Variants in SHISA7 observed in about 807,000 individuals in gnomAD.
SHISA7 encodes protein shisa-7.
A neutral mutation model predicts 23.9 loss-of-function variants in SHISA7; 6 were observed. That is an observed-to-expected ratio of 0.25 (90% CI 0.14 to 0.50). The LOEUF is 0.50. Among genes scored for constraint, SHISA7 ranks in the 20% least tolerant of loss-of-function variants. The pLI is 0.98. For missense variants in SHISA7, 671 were observed against 801.1 expected, an observed-to-expected ratio of 0.84 and a Z score of 1.96; for synonymous variants, 386 against 398.3, an observed-to-expected ratio of 0.97 and a Z score of 0.37.
In SHISA7 at chr19:55,442,758, G is replaced by A. The variant is rs1218841071; in HGVS notation, c.106C>T (p.Leu36=). Residue 36 remains leucine, a synonymous_variant, in exon 1 of 4, where the codon CTG becomes TTG. Transcript: ENST00000376325. ...SAEPAGPLPA[L]LAHLRRLTGA... is the part of the protein sequence containing the mutation. Reference sequence around the variant, plus strand: ...GTCAGGCGCCGCAGGTGCGCCAGCAGGGCGGGCAGCGGGCCCGCGGGCTCG... The same window carrying A: ...GTCAGGCGCCGCAGGTGCGCCAGCAAGGCGGGCAGCGGGCCCGCGGGCTCG... The A allele has an allele frequency of 8.6e-7, 1 of 1,166,272 alleles. No individual in the cohort carries two copies. The highest frequency in any genetic ancestry group is 3.8e-5 in the East Asian group (1 of 26,068). The allele number at this position is 1,166,272 out of a possible 1,614,324, so 72.2% of individuals were successfully genotyped here. A position where few individuals can be genotyped will look rare whatever the true frequency, so the allele number is the denominator to read the frequency against.
chr19:55,433,713 G>C lies in SHISA7; in HGVS notation c.1060C>G (p.Arg354Gly). 1 of 1,476,740 alleles carries C rather than the reference G, an allele frequency of 6.8e-7. No individual in the cohort carries two copies. The highest frequency in any genetic ancestry group is 2.9e-5 in the East Asian group (1 of 33,928). 91.5% of individuals were successfully genotyped at this position (1,476,740 alleles called of 1,614,324 possible). A position where few individuals can be genotyped will look rare whatever the true frequency, so the allele number is the denominator to read the frequency against. Reference sequence around the variant, plus strand: ...CGATAGCCGCCCCCCGTGCCCGGCCGCCGCAGCGCGTGCAGGGGCAGCGTG... The same window carrying C: ...CGATAGCCGCCCCCCGTGCCCGGCCCCCGCAGCGCGTGCAGGGGCAGCGTG... ...RGTLPLHALRRPGTGGGYRME... is the reference protein window; with the variant it reads ...RGTLPLHALRGPGTGGGYRME... The change falls in exon 4 of 4, where the codon CGG (arginine) becomes GGG (glycine). Residue 354 changes from arginine to glycine, a missense_variant. Around this residue, in one of 5 missense-constraint regions of SHISA7, gnomAD observed 457 missense variants for 488.3 expected, o/e 0.94. Coordinates refer to ENST00000376325, the MANE Select transcript of SHISA7 (RefSeq NM_001145176.2). The surrounding 1 kb of genome is among the most constrained non-coding windows in gnomAD (Gnocchi z 8.4).
At chr19:55,438,030 G>A (rs1354438704) in intron 2 of SHISA7, among the ~76,000 whole-genome samples, 5 of 132,712 alleles carry the variant, frequency 3.8e-5, no homozygotes, top group African/African-American at 1.2e-4. Flanking sequence ...AGACCCAGGC[G>A]TCCAGGCCCC....
chr19:55,437,523 G>A, intron 3 of SHISA7, 82 bp downstream of exon 3: 2 of 1,447,756 alleles, frequency 1.4e-6, no homozygotes, highest in Admixed American at 5.0e-5. Flanking sequence ...GAAGGCTCTT[G>A]GGCCACTGTC....
chr19:55,438,337 G>A (rs1362682157), intron 2 of SHISA7, among the ~76,000 whole-genome samples: 1 of 152,230 alleles, frequency 6.6e-6, no homozygotes, highest in African/African-American at 2.4e-5. Flanking sequence ...CTGAGTGCCT[G>A]GCCCCAGGCT....
chr19:55,442,848 GC>G lies in SHISA7; in HGVS notation c.15del (p.Leu6SerfsTer38). ...GCGCTAGAGGCCAGGAGTACGAGGA[GC>G]AGGAGGGCCGGCATGGGGCTTGCAG... MPAL[L>X]LLVLLASSAG... On this transcript the variant is annotated frameshift_variant, in exon 1 of 4. Transcript: ENST00000376325. LOFTEE classifies it high-confidence loss of function. The G allele has an allele frequency of 7.2e-7, 1 of 1,391,050 alleles. No individual in the cohort carries two copies. 86.2% of individuals were successfully genotyped at this position (1,391,050 alleles called of 1,614,324 possible). A position where few individuals can be genotyped will look rare whatever the true frequency, so the allele number is the denominator to read the frequency against.
intron 2 of SHISA7, chr19:55,438,724 G>C (rs1181653420): frequency 3.0e-6 from 3 of 983,626 alleles, no homozygotes; most frequent in Non-Finnish European, 4.3e-6. Flanking sequence ...CCCCAAGGTC[G>C]GCCCCACATG....
rs1305714819 is a variant in SHISA7 at position 55,431,267 on chromosome 19, C to T, written c.*1889G>A. Reference sequence around the variant, plus strand: ...CATGGGTCTTGGGAGGTGATGACACCAAAATCATGAGGGATTATGGGAAAT... The same window carrying T: ...CATGGGTCTTGGGAGGTGATGACACTAAAATCATGAGGGATTATGGGAAAT... On this transcript the variant is annotated 3_prime_UTR_variant, in exon 4 of 4. Coordinates refer to ENST00000376325, the MANE Select transcript of SHISA7 (RefSeq NM_001145176.2). 6.6e-6 allele frequency: 1 copy of T among 152,056 alleles called. No individual in the cohort carries two copies. Among genetic ancestry groups the T allele is most frequent in the Non-Finnish European group, 1.5e-5 (1 of 68,034 alleles). 9.4% of individuals were successfully genotyped at this position (152,056 alleles called of 1,614,324 possible).
At chr19:55,438,983 G>A (rs1158762972) in intron 2 of SHISA7, among the ~76,000 whole-genome samples, 1 of 152,042 alleles carries the variant, frequency 6.6e-6, no homozygotes, top group Non-Finnish European at 1.5e-5. Context: ...CTGCCCTGAT[G>A]TGTCCTCTCC....
chr19:55,430,270 A>G lies in SHISA7; in HGVS notation c.*2886T>C, dbSNP rs567675817. ...ATAAGGAGGGCCAGAGTAGGGGTGAAGTCTTCAGAGGGGGACAGCTGGCCC... is the reference window on the plus strand; with the variant it reads ...ATAAGGAGGGCCAGAGTAGGGGTGAGGTCTTCAGAGGGGGACAGCTGGCCC... On this transcript the variant is annotated 3_prime_UTR_variant, in exon 4 of 4. Transcript: ENST00000376325. 1 of 152,424 alleles carries G rather than the reference A, an allele frequency of 6.6e-6. No homozygotes were observed. The highest frequency in any genetic ancestry group is 1.9e-4 in the East Asian group (1 of 5,188). 9.4% of individuals were successfully genotyped at this position (152,424 alleles called of 1,614,324 possible).
chr19:55,437,610 C>G lies in SHISA7; in HGVS notation c.971G>C (p.Arg324Thr). The G allele has an allele frequency of 6.4e-7, 1 of 1,551,278 alleles. No individual in the cohort carries two copies. The highest frequency in any genetic ancestry group is 8.7e-7 in the Non-Finnish European group (1 of 1,146,772). ...CTGCCCTTGCCAGGACTCACCCAGC[C>G]TCTTGAGGGAAGAGTAGCGGTTCAG... The part of the protein sequence containing the change: ...SELNRYSSLK[R>T]LAEKDLDEAY... Residue 324 changes from arginine to threonine, a missense_variant, in exon 3 of 4, where the codon AGG (arginine) becomes ACG (threonine). Transcript: ENST00000376325.
intron 3 of SHISA7, 27 bp downstream of exon 3, chr19:55,437,578 C>T (rs1985494694): frequency 2.6e-6 from 4 of 1,546,032 alleles, no homozygotes; most frequent in South Asian, 2.4e-5. Flanking sequence ...TCCCCTTCAC[C>T]GCCGCGCTGC....
In SHISA7 at chr19:55,442,711, C is replaced by G. The variant is rs1985625724; in HGVS notation, c.153G>C (p.Gly51=). 2.0e-6 allele frequency: 2 copies of G among 1,020,732 alleles called. No homozygotes were observed. Among genetic ancestry groups the G allele is most frequent in the African/African-American group, 1.7e-5 (1 of 57,324 alleles). 63.2% of individuals were successfully genotyped at this position (1,020,732 alleles called of 1,614,324 possible). A position where few individuals can be genotyped will look rare whatever the true frequency, so the allele number is the denominator to read the frequency against. The stretch of plus-strand genomic sequence containing the variant: ...CGTTGGCGCCTGGGCTCGCCGCGCC[C>G]CCGCCGCCCGTCAGCGCCCCGGTCA... The part of the protein sequence containing the change: ...RRLTGALTGG[G]GAASPGANGT... Residue 51 remains glycine (G), a synonymous_variant, in exon 1 of 4, where the codon GGG becomes GGC. Transcript: ENST00000376325.
Position 55,442,632 on chromosome 19 carries a change from G to C in SHISA7, c.232C>G (p.Pro78Ala), listed in dbSNP as rs1985623097. The C allele has an allele frequency of 1.5e-6, 2 of 1,369,934 alleles. No homozygotes were observed. Among genetic ancestry groups the C allele is most frequent in the South Asian group, 2.9e-5 (2 of 68,210 alleles). 84.9% of individuals were successfully genotyped at this position (1,369,934 alleles called of 1,614,324 possible). ...TAGTAGCCGTGGCAGAGCTCGGCGG[G>C]AGGGGGCGCCCGGGCCGCCGCGCCC... is the stretch of plus-strand genomic sequence containing the variant. ...GAGAAARAPPPAELCHGYYDV... is the reference protein window; with the variant it reads ...GAGAAARAPPAAELCHGYYDV... The change falls in exon 1 of 4, where the codon CCC (proline) becomes GCC (alanine). Residue 78 changes from proline to alanine, a missense_variant. Pro to Ala is a conservative substitution (Grantham distance 27, BLOSUM62 -1). This residue lies in a region of SHISA7 where 96 missense variants were observed against 113.1 expected (regional missense o/e 0.85). Coordinates refer to ENST00000376325, the MANE Select transcript of SHISA7 (RefSeq NM_001145176.2).
chr19:55,434,821 A>T (rs1344902752), intron 3 of SHISA7, among the ~76,000 whole-genome samples: 2 of 22,526 alleles, frequency 8.9e-5, no homozygotes, highest in Non-Finnish European at 1.5e-4. Flanking sequence ...CATGGTGTGT[A>T]TGTGTGTGTG....
chr19:55,437,764 A>G lies in SHISA7; in HGVS notation c.827-10T>C, dbSNP rs1215435041. On this transcript the variant is annotated splice_polypyrimidine_tract_variant and intron_variant, in intron 2 of 3. Coordinates refer to ENST00000376325, the MANE Select transcript of SHISA7 (RefSeq NM_001145176.2). ...GGCAAGGCTCGCCAGTCTGGGTTAG[A>G]GGGGGCAGGGCCAGGGTCAGTCAGC... 2.6e-6 allele frequency: 4 copies of G among 1,548,462 alleles called. No individual in the cohort carries two copies. The highest frequency in any genetic ancestry group is 1.4e-5 in the African/African-American group (1 of 72,948).
In SHISA7 at chr19:55,433,812, G is replaced by C. The variant is rs976702092; in HGVS notation, c.977-16C>G. The C allele has an allele frequency of 7.2e-7, 1 of 1,384,992 alleles. No homozygotes were observed. The highest frequency in any genetic ancestry group is 9.3e-7 in the Non-Finnish European group (1 of 1,078,462). The allele number at this position is 1,384,992 out of a possible 1,614,324, so 85.8% of individuals were successfully genotyped here. On this transcript the variant is annotated splice_polypyrimidine_tract_variant and intron_variant, in intron 3 of 3. Coordinates refer to ENST00000376325, the MANE Select transcript of SHISA7 (RefSeq NM_001145176.2). The surrounding 1 kb of genome is among the most constrained non-coding windows in gnomAD (Gnocchi z 8.4). Reference sequence around the variant, plus strand: ...TCCTTCTCGGCTGCGGGGAGAGGGGGAAAAGCCACAGCCGTGGGTCCCCTG... The same window carrying C: ...TCCTTCTCGGCTGCGGGGAGAGGGGCAAAAGCCACAGCCGTGGGTCCCCTG...
rs1023953712 is a variant in SHISA7 at position 55,433,697 on chromosome 19, C to T, written c.1076G>A (p.Gly359Asp). 5 of 1,478,946 alleles carry T rather than the reference C, an allele frequency of 3.4e-6. No individual in the cohort carries two copies. Among genetic ancestry groups the T allele is most frequent in the Admixed American group, 2.4e-5 (1 of 41,696 alleles). The allele number at this position is 1,478,946 out of a possible 1,614,324, so 91.6% of individuals were successfully genotyped here. Residue 359 changes from glycine to aspartate, a missense_variant, in exon 4 of 4, where the codon GGC becomes GAC. Coordinates refer to ENST00000376325, the MANE Select transcript of SHISA7 (RefSeq NM_001145176.2). The surrounding 1 kb of genome is among the most constrained non-coding windows in gnomAD (Gnocchi z 8.4). ...LHALRRPGTGGGYRMEAWGGP... is the reference protein window; with the variant it reads ...LHALRRPGTGDGYRMEAWGGP... ...GCCCCAGGCCTCCATGCGATAGCCG[C>T]CCCCCGTGCCCGGCCGCCGCAGCGC...
At chr19:55,438,743 C>T (rs1464541928) in intron 2 of SHISA7, 1 of 687,402 alleles carries the variant, frequency 1.5e-6, no homozygotes, top group Non-Finnish European at 2.3e-6. Context: ...TGCAGGACCT[C>T]GTTAGAGCTC....
intron 3 of SHISA7, 141 bp downstream of exon 3, chr19:55,437,464 A>G: frequency 8.9e-7 from 1 of 1,128,862 alleles, no homozygotes; most frequent in Non-Finnish European, 1.2e-6. Flanking sequence ...ACCACAGGTA[A>G]TTCCAGAACG....
Sources: gnomAD v4.1 joint callset for allele counts (sites outside exome capture counted in the v4.1 genomes callset) on GRCh38, gnomAD v4.1.1 for gene constraint, gnomAD v4.1.1 regional missense constraint, Gnocchi (gnomAD v3.1) non-coding constraint, MANE v1.5 for transcripts, NCBI Gene and HGNC (gene_info 2026-07-23, HGNC 2026-07-21) for gene names.